The following ADGRB3 variants were observed in gnomAD, a reference collection of about 807,000 sequenced individuals.
ADGRB3 encodes the protein adhesion G protein-coupled receptor B3, also known as brain-specific angiogenesis inhibitor 3.
Under a neutral mutation model 193.4 loss-of-function variants are expected in ADGRB3, and 37 were observed. The ratio of observed to expected loss-of-function variants is 0.19; its 90% CI spans 0.15 to 0.25. The LOEUF (loss-of-function observed/expected upper bound fraction) is 0.25, where lower values mean the gene tolerates loss of function less well. Among genes scored for constraint, ADGRB3 ranks in the 10% least tolerant of loss-of-function variants. The pLI is 1.00. For missense variants in ADGRB3, 1,637 were observed against 1,852.9 expected (o/e 0.88, Z 2.14); for synonymous variants, 690 against 644.2 (o/e 1.07, Z -1.08).
chr6:69,006,672 A>AT (rs887097178), intron 11 of ADGRB3, among the ~76,000 whole-genome samples: 20 of 150,652 alleles, frequency 1.3e-4, no homozygotes, highest in Admixed American at 2.6e-4. Context: ...TGCCTAGCTA[A>AT]TTTTTTTTTA....
chr6:68,820,081 G>A (rs751346397), intron 3 of ADGRB3, among the ~76,000 whole-genome samples: 19 of 151,852 alleles, frequency 1.3e-4, no homozygotes, highest in Non-Finnish European at 2.4e-4. Flanking sequence ...CATCGACCTG[G>A]TACCCAAGGC....
intron 11 of ADGRB3, among the ~76,000 whole-genome samples, chr6:69,004,503 T>C (rs1271832606): frequency 6.6e-6 from 1 of 151,936 alleles, no homozygotes. Flanking sequence ...CATGTTGGTG[T>C]GCTGCACCCA....
At chr6:68,651,667 C>T (rs2127281196) in intron 3 of ADGRB3, among the ~76,000 whole-genome samples, 1 of 152,204 alleles carries the variant, frequency 6.6e-6, no homozygotes, top group South Asian at 2.1e-4. Flanking sequence ...AACATTATCT[C>T]CCCTTAGCAG....
At chr6:68,978,891 A>G (rs1234761560) in intron 10 of ADGRB3, among the ~76,000 whole-genome samples, 3 of 151,536 alleles carry the variant, frequency 2.0e-5, no homozygotes, top group Middle Eastern at 3.4e-3. Context: ...AGGGAGCTCT[A>G]TGTTTTCCAA....
chr6:68,982,583 T>A (rs1768949873), intron 10 of ADGRB3, among the ~76,000 whole-genome samples: 3 of 152,188 alleles, frequency 2.0e-5, no homozygotes. Context: ...TCAACTGTCT[T>A]GAGGGTGAGA....
rs143194202 is a variant in ADGRB3, at chr6:68,776,174, C to T, written c.757+136742C>T. ...TTGGCCATTTCACTGCTTAATAGCA[C>T]TCAATTTTTAGCTAGGTATGAAAAT... On this transcript the variant is annotated intron_variant, in intron 3 of 31. Coordinates refer to ENST00000370598, the MANE Select transcript of ADGRB3 (RefSeq NM_001704.3). Among the ~76,000 whole-genome samples the T allele has an allele frequency of 2.3e-3, 354 of 152,230 alleles. 1 individual carries two copies. The highest frequency in any genetic ancestry group is 8.1e-3 in the African/African-American group (337 of 41,548).
intron 3 of ADGRB3, among the ~76,000 whole-genome samples, chr6:68,799,622 C>G (rs773510307): frequency 9.2e-5 from 14 of 151,928 alleles, no homozygotes; most frequent in Non-Finnish European, 1.8e-4. Context: ...GAAATCAGAT[C>G]AGATATAACA....
intron 3 of ADGRB3, among the ~76,000 whole-genome samples, chr6:68,691,335 G>A (rs772166542): frequency 3.9e-5 from 6 of 152,026 alleles, no homozygotes; most frequent in Non-Finnish European, 7.4e-5. Flanking sequence ...ACAGCTGCAT[G>A]AATATTCAAT....
chr6:69,111,147 A>G (rs918321656), intron 17 of ADGRB3, among the ~76,000 whole-genome samples: 1 of 152,188 alleles, frequency 6.6e-6, no homozygotes, highest in African/African-American at 2.4e-5. Context: ...ATAAACTGAA[A>G]TTGATATACG....
intron 16 of ADGRB3, among the ~76,000 whole-genome samples, chr6:69,068,214 G>A (rs1369511794): frequency 6.6e-6 from 1 of 152,154 alleles, no homozygotes; most frequent in Non-Finnish European, 1.5e-5. Context: ...TGACTGTGCT[G>A]TGTTACAAGC....
chr6:68,956,492 C>T (rs949348898), intron 7 of ADGRB3, among the ~76,000 whole-genome samples, 153 bp from the exon 8 acceptor site: 2 of 152,138 alleles, frequency 1.3e-5, no homozygotes, highest in African/African-American at 4.8e-5. Context: ...TCGCAATGCT[C>T]TATATTTGAC....
intron 3 of ADGRB3, among the ~76,000 whole-genome samples, chr6:68,843,792 C>A (rs907832980): frequency 9.9e-5 from 15 of 152,188 alleles, no homozygotes; most frequent in Admixed American, 1.3e-4. Context: ...GCTATAGTAA[C>A]CAAAACAGCA....
intron 17 of ADGRB3, among the ~76,000 whole-genome samples, chr6:69,115,871 A>G (rs1304078519): frequency 2.0e-5 from 3 of 152,230 alleles, no homozygotes; most frequent in Non-Finnish European, 4.4e-5. Flanking sequence ...AGAAAATTAT[A>G]CAAATGTTGC....
chr6:69,122,252 C>A (rs953690527), intron 17 of ADGRB3, among the ~76,000 whole-genome samples: 4 of 151,720 alleles, frequency 2.6e-5, no homozygotes, highest in Admixed American at 2.0e-4. Flanking sequence ...AGCCGGAGAC[C>A]AGCCTGGTCA....
At chr6:69,221,506 G>GGACA (rs1385045297) in intron 17 of ADGRB3, among the ~76,000 whole-genome samples, 1 of 152,034 alleles carries the variant, frequency 6.6e-6, no homozygotes, top group Non-Finnish European at 1.5e-5. Context: ...TGGAACCTTA[G>GGACA]GACAGTGCTT....
intron 22 of ADGRB3, among the ~76,000 whole-genome samples, chr6:69,329,289 A>T (rs1198375411): frequency 6.6e-6 from 1 of 152,194 alleles, no homozygotes; most frequent in East Asian, 1.9e-4. Context: ...ATTTAAAAAT[A>T]GATATTAAAG....
intron 11 of ADGRB3, among the ~76,000 whole-genome samples, chr6:69,007,695 A>T (rs2021675): frequency 0.26 from 7,886 of 29,840 alleles, 197 homozygotes; most frequent in African/African-American, 0.29. Context: ...TCTCTCTCTC[A>T]CACACACACA....
intron 17 of ADGRB3, among the ~76,000 whole-genome samples, chr6:69,121,453 AT>A (rs1261351675): frequency 1.3e-5 from 2 of 150,136 alleles, no homozygotes; most frequent in Non-Finnish European, 3.0e-5. Context: ...TTTTCCCCAT[AT>A]TTCCCCCTTT....
At chr6:69,359,650 C>G (rs1769410298) in intron 28 of ADGRB3, among the ~76,000 whole-genome samples, 1 of 151,670 alleles carries the variant, frequency 6.6e-6, no homozygotes, top group African/African-American at 2.4e-5. Flanking sequence ...AATTATGATT[C>G]TACTTGAAAA....
Sources: gnomAD v4.1 joint callset for allele counts (sites outside exome capture counted in the v4.1 genomes callset) on GRCh38, gnomAD v4.1.1 for gene constraint, MANE v1.5 for transcripts, NCBI Gene and HGNC (gene_info 2026-07-23, HGNC 2026-07-21) for gene names.